LARP4B: variants seen among roughly 807,000 people sequenced by gnomAD.
LARP4B encodes the protein la-related protein 4B.
A neutral mutation model predicts 89.8 loss-of-function variants in LARP4B; 12 were observed. The observed-to-expected ratio is 0.13, with a 90% confidence interval of 0.09 to 0.22. The LOEUF (loss-of-function observed/expected upper bound fraction) is 0.22. Ranked by LOEUF, LARP4B falls within the 10% of genes least tolerant of loss-of-function variation. The probability of loss-of-function intolerance (pLI) is 1.00; values close to 1 mark genes in which losing one functional copy is unlikely to be tolerated. For synonymous variants in LARP4B, 367 were observed against 363.3 expected (o/e 1.01, Z -0.12); for missense variants, 757 against 947.7 (o/e 0.80, Z 2.64).
At chr10:806,950 CAGTT>C (rs1831581175), downstream of LARP4B, 1 of 152,380 alleles carries the variant, frequency 6.6e-6, no homozygotes, top group Non-Finnish European at 1.5e-5. Flanking sequence ...CCATACGCAA[CAGTT>C]AGAAGACTGA....
chr10:861,203 C>A (rs1352329813), intron 5 of LARP4B, among the ~76,000 whole-genome samples: 2 of 152,158 alleles, frequency 1.3e-5, no homozygotes, highest in Admixed American at 6.6e-5. Context: ...GGAGAGGGCA[C>A]AGGAAGCTCT....
chr10:908,507 G>A (rs1277374575), intron 1 of LARP4B, among the ~76,000 whole-genome samples: 1 of 151,988 alleles, frequency 6.6e-6, no homozygotes, highest in Non-Finnish European at 1.5e-5. Context: ...GCATCAGAAG[G>A]GGCAGTCTTG....
chr10:845,064 AAGT>A lies in LARP4B; in HGVS notation c.431-12_431-10del. The A allele has an allele frequency of 6.3e-7, 1 of 1,599,526 alleles. No homozygotes were observed. Among genetic ancestry groups the A allele is most frequent in the Non-Finnish European group, 8.5e-7 (1 of 1,173,220 alleles). ...TTGAGACTCATTTCCTCCTACATAA[AAGT>A]AATAATCAACTTAGGAAAACCGGCT... On this transcript the variant is annotated splice_polypyrimidine_tract_variant and intron_variant, in intron 5 of 17. Transcript: ENST00000316157.
At chr10:852,372 G>C (rs1312158112) in intron 5 of LARP4B, among the ~76,000 whole-genome samples, 3 of 152,098 alleles carry the variant, frequency 2.0e-5, no homozygotes, top group Non-Finnish European at 2.9e-5. Context: ...CAATTCATCC[G>C]AACACACTAA....
the LARP4B span, among the ~76,000 whole-genome samples, chr10:955,953 G>A: frequency 6.6e-6 from 1 of 152,096 alleles, no homozygotes; most frequent in Non-Finnish European, 1.5e-5. The surrounding 1 kb of genome is among the most constrained non-coding windows in gnomAD (Gnocchi z 5.2). Flanking sequence ...CCCACTGGCT[G>A]AGCGTCCTTC....
chr10:934,127 C>T (rs1008044822), upstream of LARP4B, among the ~76,000 whole-genome samples: 2 of 152,010 alleles, frequency 1.3e-5, no homozygotes, highest in Non-Finnish European at 2.9e-5. Flanking sequence ...CCACCGTTCC[C>T]GGCTGGTAGG....
intron 7 of LARP4B, among the ~76,000 whole-genome samples, chr10:837,685 C>A (rs968952109): frequency 1.3e-5 from 2 of 152,208 alleles, no homozygotes; most frequent in Non-Finnish European, 2.9e-5. Context: ...GCCCCAGACA[C>A]GTGGGGTGCT....
chr10:825,681 C>A, intron 12 of LARP4B, 83 bp downstream of exon 12: 1 of 869,420 alleles, frequency 1.2e-6, no homozygotes. Flanking sequence ...AGGAGCAGGA[C>A]TAGTGATCAA....
chr10:964,056 G>A, the LARP4B span, among the ~76,000 whole-genome samples: 1 of 152,112 alleles, frequency 6.6e-6, no homozygotes, highest in African/African-American at 2.4e-5. Context: ...TGAGTTGAGG[G>A]TGATCCAAAT....
At position 844,998 on chromosome 10, in the gene LARP4B, G is replaced by A; in HGVS notation, c.488C>T (p.Thr163Ile). 1 of 1,611,460 alleles carries A rather than the reference G, an allele frequency of 6.2e-7. No homozygotes were observed. Among genetic ancestry groups the A allele is most frequent in the Non-Finnish European group, 8.5e-7 (1 of 1,179,458 alleles). ...QEDPREVLKK[T>I]LEFCLSRENL... Reference sequence around the variant, plus strand: ...TTACCTAGATAAGCAGAATTCCAATGTTTTTTTAAGTACTTCTCGGGGGTC... The same window carrying A: ...TTACCTAGATAAGCAGAATTCCAATATTTTTTTAAGTACTTCTCGGGGGTC... Residue 163 changes from threonine to isoleucine, a missense_variant, in exon 6 of 18, where the codon ACA becomes ATA. Around this residue, in one of 5 missense-constraint regions of LARP4B, gnomAD observed 54 missense variants for 96.0 expected, o/e 0.56. Transcript: ENST00000316157.
At chr10:906,318 G>A (rs1381093166) in intron 1 of LARP4B, among the ~76,000 whole-genome samples, 1 of 152,188 alleles carries the variant, frequency 6.6e-6, no homozygotes, top group Non-Finnish European at 1.5e-5. Context: ...GTTTTCAAAT[G>A]AGTAACTGCT....
chr10:889,273 C>A (rs1290439757), intron 1 of LARP4B, among the ~76,000 whole-genome samples: 1 of 152,086 alleles, frequency 6.6e-6, no homozygotes, highest in African/African-American at 2.4e-5. Flanking sequence ...CCTGCTTATT[C>A]CAGTTCAGGG....
At chr10:872,130 G>A (rs1357486751) in intron 3 of LARP4B, among the ~76,000 whole-genome samples, 1 of 152,210 alleles carries the variant, frequency 6.6e-6, no homozygotes, top group African/African-American at 2.4e-5. Flanking sequence ...ATACCATGTA[G>A]TGCACTACTT....
At position 818,049 on chromosome 10, in the gene LARP4B, A is replaced by AC. The variant is rs1832156675; in HGVS notation, c.1531-161dup. The AC allele has an allele frequency of 7.6e-6, 5 of 660,378 alleles. No individual in the cohort carries two copies. The South Asian group carries it at 1.0e-4, about 13-fold the overall frequency. 40.9% of individuals were successfully genotyped at this position (660,378 alleles called of 1,614,324 possible). A position where few individuals can be genotyped will look rare whatever the true frequency, so the allele number is the denominator to read the frequency against. On this transcript the variant is annotated intron_variant, in intron 14 of 17. Transcript: ENST00000316157. ...TTGAAGGTTCTCCCAAGCAACTTCA[A>AC]CCATCTAGAGCAGAGCTGTAAAACT... is the stretch of plus-strand genomic sequence containing the variant.
At chr10:891,445 G>A (rs1588968552) in intron 1 of LARP4B, among the ~76,000 whole-genome samples, 2 of 152,292 alleles carry the variant, frequency 1.3e-5, no homozygotes, top group East Asian at 1.9e-4. Flanking sequence ...ATGTGATAAC[G>A]ATGTGGTTAT....
chr10:934,343 T>C (rs886467469), upstream of LARP4B, among the ~76,000 whole-genome samples: 16 of 151,960 alleles, frequency 1.1e-4, no homozygotes, highest in African/African-American at 3.9e-4. Context: ...TAAAAAATTA[T>C]ACAAAAGTAG....
intron 1 of LARP4B, among the ~76,000 whole-genome samples, chr10:890,516 T>C (rs1588967781): frequency 6.6e-6 from 1 of 152,162 alleles, no homozygotes; most frequent in Non-Finnish European, 1.5e-5. Context: ...TAAATAAATA[T>C]ATTAAGTACT....
intron 11 of LARP4B, among the ~76,000 whole-genome samples, chr10:826,872 A>G (rs1722480474): frequency 6.6e-6 from 1 of 152,242 alleles, no homozygotes; most frequent in Admixed American, 6.5e-5. Flanking sequence ...ATAACAGAAA[A>G]AGAATATTAT....
At chr10:938,531 G>A in the LARP4B span, among the ~76,000 whole-genome samples, 1 of 152,202 alleles carries the variant, frequency 6.6e-6, no homozygotes, top group African/African-American at 2.4e-5. Context: ...GGGATTACAG[G>A]CGTGAGCCAC....
Sources: gnomAD v4.1 joint callset for allele counts (sites outside exome capture counted in the v4.1 genomes callset) on GRCh38, gnomAD v4.1.1 for gene constraint, gnomAD v4.1.1 regional missense constraint, Gnocchi (gnomAD v3.1) non-coding constraint, MANE v1.5 for transcripts, NCBI Gene and HGNC (gene_info 2026-07-23, HGNC 2026-07-21) for gene names.